The following TENM4 variants were observed in gnomAD, a reference collection of about 807,000 sequenced individuals.
The protein encoded by TENM4 is teneurin transmembrane protein 4.
Under a neutral mutation model 243.3 loss-of-function variants are expected in TENM4, and 82 were observed. That is an observed-to-expected ratio of 0.34 (90% CI 0.28 to 0.40). The LOEUF (loss-of-function observed/expected upper bound fraction) is 0.40. Among genes scored for constraint, TENM4 ranks in the 10% least tolerant of loss-of-function variants. The pLI is 1.00. For missense variants in TENM4, 3,138 were observed against 3,673.3 expected (o/e 0.85, Z 3.77); for synonymous variants, 1,412 against 1,456.3 (o/e 0.97, Z 0.69).
intron 3 of TENM4, among the ~76,000 whole-genome samples, chr11:79,186,898 C>T (rs1013343392): frequency 7.2e-5 from 11 of 152,204 alleles, no homozygotes; most frequent in East Asian, 3.9e-4. Context: ...CCTCGGAGCC[C>T]GATTCTCTGG....
chr11:78,908,429 T>C (rs1856112428), intron 6 of TENM4, among the ~76,000 whole-genome samples: 1 of 152,238 alleles, frequency 6.6e-6, no homozygotes, highest in Non-Finnish European at 1.5e-5. Context: ...TAAAGTCATG[T>C]TGAATGAATA....
At chr11:78,836,578 C>T (rs1858121811) in intron 12 of TENM4, among the ~76,000 whole-genome samples, 1 of 152,214 alleles carries the variant, frequency 6.6e-6, no homozygotes. Context: ...CTCTGTTACA[C>T]AGAAAATTCT....
At chr11:79,049,641 C>A (rs957188952) in intron 6 of TENM4, among the ~76,000 whole-genome samples, 2 of 152,192 alleles carry the variant, frequency 1.3e-5, no homozygotes, top group African/African-American at 4.8e-5. Flanking sequence ...GCTATCTGTG[C>A]CTAGATTGTA....
chr11:78,889,325 C>T (rs1414155396), intron 9 of TENM4, among the ~76,000 whole-genome samples: 1 of 152,200 alleles, frequency 6.6e-6, no homozygotes, highest in Non-Finnish European at 1.5e-5. Context: ...TGCTTTCCTG[C>T]CAGTTTCCCT....
chr11:78,914,287 G>C (rs748407708), intron 6 of TENM4, among the ~76,000 whole-genome samples: 5 of 152,154 alleles, frequency 3.3e-5, no homozygotes, highest in Non-Finnish European at 7.3e-5. Context: ...GTTCCTCTCA[G>C]GGAATTTCTT....
At chr11:78,735,361 A>C (rs1232494172) in intron 20 of TENM4, among the ~76,000 whole-genome samples, 1 of 152,248 alleles carries the variant, frequency 6.6e-6, no homozygotes, top group African/African-American at 2.4e-5. Context: ...TTTTTCTGTC[A>C]CAGAACTGAA....
chr11:79,022,800 AGAT>A (rs1858968592), intron 6 of TENM4, among the ~76,000 whole-genome samples: 1 of 152,188 alleles, frequency 6.6e-6, no homozygotes, highest in Admixed American at 6.5e-5. Context: ...GAGAAGGTGA[AGAT>A]GATGAAGATG....
chr11:78,980,322 C>T (rs997521540), intron 6 of TENM4, among the ~76,000 whole-genome samples: 1 of 152,184 alleles, frequency 6.6e-6, no homozygotes, highest in African/African-American at 2.4e-5. Context: ...TCATTATCCC[C>T]GTTTCAGAGA....
intron 1 of TENM4, among the ~76,000 whole-genome samples, chr11:79,417,539 G>T (rs540346220): frequency 2.6e-5 from 4 of 152,000 alleles, no homozygotes; most frequent in Non-Finnish European, 5.9e-5. Flanking sequence ...TTTCAACTTC[G>T]CATTCTGCTT....
At chr11:78,925,780 A>C (rs1207656047) in intron 6 of TENM4, among the ~76,000 whole-genome samples, 1 of 152,056 alleles carries the variant, frequency 6.6e-6, no homozygotes, top group Admixed American at 6.5e-5. Context: ...CAGCCTTGTC[A>C]GTCACTGTAT....
At chr11:78,712,411 A>T in intron 26 of TENM4, 71 bp downstream of exon 26, 1 of 1,487,866 alleles carries the variant, frequency 6.7e-7, no homozygotes, top group South Asian at 1.2e-5. Flanking sequence ...AATATTAATC[A>T]TGCATGTTTT....
At position 79,148,776 on chromosome 11, in the gene TENM4, T is replaced by C. The variant is rs1862441278; in HGVS notation, c.-132A>G. On this transcript the variant is annotated 5_prime_UTR_variant, in exon 4 of 34. It removes the in-frame stop codon of an upstream open reading frame in the 5' UTR. Coordinates refer to ENST00000278550, the MANE Select transcript of TENM4 (RefSeq NM_001098816.3). ...CAAATAATCCTTGAAGTATGCAATT[T>C]TAATTTGGACACATGGTAATTTCAG... 2 of 982,862 alleles carry C rather than the reference T, an allele frequency of 2.0e-6. No individual in the cohort carries two copies. The highest frequency in any genetic ancestry group is 1.8e-5 in the African/African-American group (1 of 57,036). The allele number at this position is 982,862 out of a possible 1,614,324, so 60.9% of individuals were successfully genotyped here. A position where few individuals can be genotyped will look rare whatever the true frequency, so the allele number is the denominator to read the frequency against.
chr11:79,066,750 G>A (rs757439174), intron 5 of TENM4, among the ~76,000 whole-genome samples: 6 of 112,680 alleles, frequency 5.3e-5, no homozygotes, highest in East Asian at 4.6e-4. Context: ...ATGCACACAC[G>A]CACGCACAAG....
At chr11:79,388,542 C>T (rs558971516) in intron 1 of TENM4, among the ~76,000 whole-genome samples, 2 of 152,316 alleles carry the variant, frequency 1.3e-5, no homozygotes, top group Admixed American at 1.3e-4. Flanking sequence ...TTCCCACCCC[C>T]ACTAGATCTG....
chr11:78,770,937 T>C, intron 18 of TENM4, 55 bp downstream of exon 18: 1 of 1,548,500 alleles, frequency 6.5e-7, no homozygotes, highest in Non-Finnish European at 8.7e-7. Context: ...CATTCTCCAC[T>C]CTGGGCCTCC....
chr11:78,962,662 C>A (rs966698935), intron 6 of TENM4, among the ~76,000 whole-genome samples: 2 of 152,212 alleles, frequency 1.3e-5, no homozygotes, highest in African/African-American at 4.8e-5. Flanking sequence ...GGGTCTAGTC[C>A]TGACGGGGCT....
At chr11:79,113,721 T>C (rs1565209164) in intron 4 of TENM4, among the ~76,000 whole-genome samples, 2 of 152,184 alleles carry the variant, frequency 1.3e-5, no homozygotes, top group Non-Finnish European at 2.9e-5. Context: ...TTGGGAACCC[T>C]GGCCCTGCCA....
At chr11:79,312,441 T>C (rs558830829) in intron 1 of TENM4, among the ~76,000 whole-genome samples, 1 of 152,358 alleles carries the variant, frequency 6.6e-6, no homozygotes, top group South Asian at 2.1e-4. Flanking sequence ...ATACCATACA[T>C]ATATTAGCAT....
At chr11:79,317,277 T>C (rs143322318) in intron 1 of TENM4, among the ~76,000 whole-genome samples, 59 of 152,340 alleles carry the variant, frequency 3.9e-4, no homozygotes, top group African/African-American at 1.3e-3. Flanking sequence ...AATGGCAGAA[T>C]GAAGACCAGC....
Sources: gnomAD v4.1 joint callset for allele counts (sites outside exome capture counted in the v4.1 genomes callset) on GRCh38, gnomAD v4.1.1 for gene constraint, MANE v1.5 for transcripts, NCBI Gene and HGNC (gene_info 2026-07-23, HGNC 2026-07-21) for gene names.